The following RAP1GDS1 variants were observed in gnomAD, a reference collection of about 807,000 sequenced individuals.
RAP1GDS1 encodes RAP1, GTP-GDP dissociation stimulator 1.
RAP1GDS1 carries 35 observed loss-of-function variants against 71.1 expected under a neutral mutation model. The ratio of observed to expected loss-of-function variants is 0.49; its 90% confidence interval spans 0.38 to 0.65. The LOEUF (loss-of-function observed/expected upper bound fraction) is 0.65, where lower values mean the gene tolerates loss of function less well. Among genes scored for constraint, RAP1GDS1 ranks in the 30% least tolerant of loss-of-function variants. The pLI is 0.00. For synonymous variants in RAP1GDS1, 229 were observed against 243.1 expected (o/e 0.94, Z 0.54); for missense variants, 663 against 706.1 (o/e 0.94, Z 0.69).
chr4:98,310,172 G>A (rs1412817076), intron 2 of RAP1GDS1, among the ~76,000 whole-genome samples: 2 of 151,962 alleles, frequency 1.3e-5, no homozygotes, highest in Non-Finnish European at 2.9e-5. Flanking sequence ...TCCATCTTCA[G>A]GTCTCATTCA....
intron 2 of RAP1GDS1, among the ~76,000 whole-genome samples, chr4:98,296,001 A>AACTT (rs1727682898): frequency 6.6e-6 from 1 of 150,740 alleles, no homozygotes; most frequent in Non-Finnish European, 1.5e-5. Flanking sequence ...TAAAACATTT[A>AACTT]ACTTAGAAGA....
chr4:98,432,200 G>A (rs530359781), intron 12 of RAP1GDS1, among the ~76,000 whole-genome samples: 15 of 152,116 alleles, frequency 9.9e-5, no homozygotes, highest in Non-Finnish European at 1.0e-4. Context: ...GCCAAAGAGA[G>A]GACACTGTTC....
At chr4:98,359,521 G>A (rs1738425360) in intron 4 of RAP1GDS1, among the ~76,000 whole-genome samples, 1 of 152,064 alleles carries the variant, frequency 6.6e-6, no homozygotes, top group Non-Finnish European at 1.5e-5. Context: ...CCAAAATGAT[G>A]GTAGGAAGTT....
intron 1 of RAP1GDS1, among the ~76,000 whole-genome samples, chr4:98,274,025 A>G (rs72892354): frequency 0.019 from 2,952 of 152,250 alleles, 104 homozygotes; most frequent in African/African-American, 0.067. Context: ...TTTTATTTTA[A>G]CATTTGACAA....
intron 6 of RAP1GDS1, among the ~76,000 whole-genome samples, chr4:98,395,186 A>G (rs923823825): frequency 1.3e-5 from 2 of 152,158 alleles, no homozygotes; most frequent in African/African-American, 2.4e-5. Flanking sequence ...TGATAGTTCA[A>G]ATAGTTTAAT....
chr4:98,324,604 A>C (rs1467920345), intron 2 of RAP1GDS1, among the ~76,000 whole-genome samples: 1 of 145,776 alleles, frequency 6.9e-6, no homozygotes, highest in Non-Finnish European at 1.5e-5. Flanking sequence ...CAGAGCCCTC[A>C]GAAATAACGC....
At chr4:98,297,745 A>G (rs1727990138) in intron 2 of RAP1GDS1, among the ~76,000 whole-genome samples, 1 of 152,206 alleles carries the variant, frequency 6.6e-6, no homozygotes, top group South Asian at 2.1e-4. Context: ...AGACCAATTA[A>G]TAATCCTACA....
intron 14 of RAP1GDS1, among the ~76,000 whole-genome samples, chr4:98,441,070 A>G (rs925268006): frequency 1.3e-5 from 2 of 152,246 alleles, no homozygotes; most frequent in African/African-American, 4.8e-5. Context: ...ATCAGTTAGT[A>G]TGAGAACTCC....
intron 6 of RAP1GDS1, among the ~76,000 whole-genome samples, chr4:98,394,868 G>A (rs548410346): frequency 1.8e-4 from 28 of 152,072 alleles, no homozygotes; most frequent in African/African-American, 3.9e-4. Context: ...AATTGTTCAC[G>A]TTAGGGCAAT....
intron 2 of RAP1GDS1, among the ~76,000 whole-genome samples, chr4:98,330,027 A>C (rs932529618): frequency 6.6e-6 from 1 of 152,090 alleles, no homozygotes. Context: ...TCAGCAGATA[A>C]ACATGTGAAC....
intron 2 of RAP1GDS1, among the ~76,000 whole-genome samples, chr4:98,302,515 G>A (rs1294166209): frequency 1.3e-5 from 2 of 152,082 alleles, no homozygotes; most frequent in Non-Finnish European, 2.9e-5. Flanking sequence ...CATGCAATTG[G>A]AATTCAGAAG....
At chr4:98,368,955 G>T (rs1206017948) in intron 4 of RAP1GDS1, among the ~76,000 whole-genome samples, 1 of 152,092 alleles carries the variant, frequency 6.6e-6, no homozygotes, top group Non-Finnish European at 1.5e-5. Context: ...ACCCAAGTCT[G>T]GGTAATTTAT....
intron 2 of RAP1GDS1, among the ~76,000 whole-genome samples, chr4:98,321,316 C>T (rs1387144906): frequency 2.7e-5 from 4 of 148,926 alleles, no homozygotes; most frequent in Admixed American, 6.8e-5. Context: ...GAAAGTGAGG[C>T]GGAGAATGGA....
chr4:98,404,337 T>C, intron 6 of RAP1GDS1, 140 bp from the exon 7 acceptor site: 1 of 796,666 alleles, frequency 1.3e-6, no homozygotes, highest in South Asian at 2.6e-5. Flanking sequence ...TTCAGGGACA[T>C]TAAAAATGGA....
intron 13 of RAP1GDS1, among the ~76,000 whole-genome samples, chr4:98,436,345 C>A (rs879206022): frequency 6.6e-6 from 1 of 152,056 alleles, no homozygotes; most frequent in Non-Finnish European, 1.5e-5. Context: ...TAGAGTAAGC[C>A]TTAATACTGG....
At chr4:98,382,957 A>G (rs542565558) in intron 5 of RAP1GDS1, among the ~76,000 whole-genome samples, 9 of 151,732 alleles carry the variant, frequency 5.9e-5, no homozygotes, top group Non-Finnish European at 1.0e-4. Flanking sequence ...GTAATTAAAA[A>G]TTTCCCATAG....
chr4:98,385,276 T>C (rs1742570878), intron 5 of RAP1GDS1, among the ~76,000 whole-genome samples: 1 of 151,778 alleles, frequency 6.6e-6, no homozygotes, highest in Admixed American at 6.6e-5. Flanking sequence ...AAAATAAATA[T>C]TCAGATAGTA....
chr4:98,291,038 G>T (rs1183476667), intron 1 of RAP1GDS1, among the ~76,000 whole-genome samples: 1 of 152,048 alleles, frequency 6.6e-6, no homozygotes, highest in Non-Finnish European at 1.5e-5. Flanking sequence ...TTTCAGAAAT[G>T]GAAAAACTGT....
intron 4 of RAP1GDS1, among the ~76,000 whole-genome samples, chr4:98,363,737 G>A (rs1010164733): frequency 2.6e-5 from 4 of 152,134 alleles, no homozygotes; most frequent in African/African-American, 9.7e-5. Context: ...TCTTGGAGCT[G>A]CATGGAAAAG....
Sources: allele counts gnomAD v4.1 joint callset (sites outside exome capture counted in the v4.1 genomes callset), GRCh38; gene constraint gnomAD v4.1.1; transcripts MANE v1.5; gene names NCBI Gene and HGNC (gene_info 2026-07-23, HGNC 2026-07-21).